Variants in ZNF804B observed in about 807,000 individuals in gnomAD.
The protein encoded by ZNF804B is zinc finger protein 804B.
Under a neutral mutation model 101.4 loss-of-function variants are expected in ZNF804B, and 80 were observed. The observed-to-expected ratio is 0.79, with a 90% CI of 0.66 to 0.95. The LOEUF (loss-of-function observed/expected upper bound fraction) is 0.95. Among genes scored for constraint, ZNF804B ranks in the 40% least tolerant of loss-of-function variants. ZNF804B has a pLI of 0.00. For synonymous variants in ZNF804B, 622 were observed against 558.8 expected (o/e 1.11, Z -1.59); for missense variants, 1,673 against 1,561.9 (o/e 1.07, Z -1.20).
chr7:89,323,792 A>C (rs1790856153), intron 2 of ZNF804B, among the ~76,000 whole-genome samples: 1 of 152,058 alleles, frequency 6.6e-6, no homozygotes, highest in Non-Finnish European at 1.5e-5. Context: ...TTTTTCTGAA[A>C]TATGTATGCC....
At chr7:89,265,240 G>C (rs573410164) in intron 2 of ZNF804B, among the ~76,000 whole-genome samples, 2 of 151,932 alleles carry the variant, frequency 1.3e-5, no homozygotes, top group South Asian at 2.1e-4. Context: ...CATGATCTTA[G>C]ATTATAAAGT....
At chr7:88,987,580 T>TA (rs1459484559) in intron 1 of ZNF804B, among the ~76,000 whole-genome samples, 1 of 152,118 alleles carries the variant, frequency 6.6e-6, no homozygotes, top group Non-Finnish European at 1.5e-5. Context: ...ACTTTTTTTT[T>TA]AAACAACACT....
At chr7:88,901,440 C>A (rs1482388956) in intron 1 of ZNF804B, among the ~76,000 whole-genome samples, 1 of 151,776 alleles carries the variant, frequency 6.6e-6, no homozygotes, top group African/African-American at 2.4e-5. Context: ...TTCCATGAAA[C>A]GTCCATTATC....
At chr7:89,293,283 A>T (rs1473058987) in intron 2 of ZNF804B, among the ~76,000 whole-genome samples, 14 of 152,254 alleles carry the variant, frequency 9.2e-5, no homozygotes, top group Non-Finnish European at 2.9e-5. Flanking sequence ...CACAAAAAAG[A>T]TGAGTATTTG....
chr7:88,779,628 T>TAGATA (rs10687881), intron 1 of ZNF804B, among the ~76,000 whole-genome samples: 74,231 of 151,596 alleles, frequency 0.49, 21,485 homozygotes, highest in East Asian at 0.79. Flanking sequence ...ATTTGCAGAT[T>TAGATA]AAAGATCGAA....
rs1445902955 is a variant in ZNF804B, at chr7:88,887,412, A to C, written c.108+127328A>C. ...CTGTTTTTATAGTTTGGGGTTTTACATTTAAGTCTTTAATCCATCTTGAGT... is the reference window on the plus strand; with the variant it reads ...CTGTTTTTATAGTTTGGGGTTTTACCTTTAAGTCTTTAATCCATCTTGAGT... On this transcript the variant is annotated intron_variant, in intron 1 of 3. Transcript: ENST00000333190. Among the ~76,000 whole-genome samples, 17 of 152,256 alleles carry C rather than the reference A, an allele frequency of 1.1e-4. No individual in the cohort carries two copies. In the East Asian group the frequency reaches 3.3e-3, roughly 29 times the overall value.
In ZNF804B at chr7:88,943,882, G is replaced by T. The variant is rs188140450; in HGVS notation, c.108+183798G>T. Among the ~76,000 whole-genome samples the T allele has an allele frequency of 2.6e-3, 399 of 151,830 alleles. 5 individuals are homozygous for T. The highest frequency in any genetic ancestry group is 9.3e-3 in the African/African-American group (387 of 41,484). On this transcript the variant is annotated intron_variant, in intron 1 of 3. Transcript: ENST00000333190. ...AAGGGCTGTGTACCTTTCTGTATTT[G>T]TCTTCCGTCACTTAGCATATGCTTT...
intron 1 of ZNF804B, among the ~76,000 whole-genome samples, chr7:89,050,973 G>T (rs1789196542): frequency 7.1e-6 from 1 of 141,354 alleles, no homozygotes; most frequent in African/African-American, 2.7e-5. Flanking sequence ...CTCGTTTTAT[G>T]AGTTTGTTTC....
chr7:88,824,160 C>T (rs1022760893), intron 1 of ZNF804B, among the ~76,000 whole-genome samples: 1 of 152,172 alleles, frequency 6.6e-6, no homozygotes, highest in African/African-American at 2.4e-5. Flanking sequence ...AATGGGAGTG[C>T]TAAGCATTTG....
rs370664848 is a variant in ZNF804B at position 89,282,061 on chromosome 7, C to T, written c.250-45283C>T. On this transcript the variant is annotated intron_variant, in intron 2 of 3. Coordinates refer to ENST00000333190, the MANE Select transcript of ZNF804B (RefSeq NM_181646.5). ...CTAAAAATACAAAAAATTAGCCGGG[C>T]GTGGTGGCGGGCGCCTGTAGTCCCA... Among the ~76,000 whole-genome samples, 57 of 151,862 alleles carry T rather than the reference C, an allele frequency of 3.8e-4. 1 individual carries two copies. In the East Asian group the frequency reaches 8.0e-3, roughly 21 times the overall value.
chr7:88,802,432 C>A (rs773765964), intron 1 of ZNF804B, among the ~76,000 whole-genome samples: 2 of 151,868 alleles, frequency 1.3e-5, no homozygotes. Context: ...ACACTGCTGG[C>A]ACACCTCATT....
In ZNF804B at chr7:88,759,944, G is replaced by A. The variant is rs759235791; in HGVS notation, c.-33G>A. 1 of 1,587,880 alleles carries A rather than the reference G, an allele frequency of 6.3e-7. No individual in the cohort carries two copies. Among genetic ancestry groups the A allele is most frequent in the Non-Finnish European group, 8.6e-7 (1 of 1,156,298 alleles). On this transcript the variant is annotated 5_prime_UTR_variant, in exon 1 of 4. Coordinates refer to ENST00000333190, the MANE Select transcript of ZNF804B (RefSeq NM_181646.5). ...TTTCCACGGCTGGTCGCCTGGTGAG[G>A]AGTTGAGACTCTGCGCCTCCGCCCG...
chr7:88,832,072 A>G (rs12533969), intron 1 of ZNF804B, among the ~76,000 whole-genome samples: 8,605 of 151,732 alleles, frequency 0.057, 362 homozygotes, highest in East Asian at 0.26. Flanking sequence ...TTGTATAAAT[A>G]TTAGGGGGAG....
chr7:89,168,681 A>C (rs1223165327), intron 1 of ZNF804B, among the ~76,000 whole-genome samples: 1 of 112,478 alleles, frequency 8.9e-6, no homozygotes, highest in East Asian at 2.3e-4. Flanking sequence ...AGAGCTGAAT[A>C]CTTTTTTTTT....
At chr7:88,847,018 A>T (rs1791383238) in intron 1 of ZNF804B, among the ~76,000 whole-genome samples, 1 of 151,972 alleles carries the variant, frequency 6.6e-6, no homozygotes, top group Non-Finnish European at 1.5e-5. Flanking sequence ...AAAATAGAAA[A>T]TGGCAGCAAA....
At chr7:88,895,938 C>T (rs985684933) in intron 1 of ZNF804B, among the ~76,000 whole-genome samples, 1 of 152,152 alleles carries the variant, frequency 6.6e-6, no homozygotes, top group Non-Finnish European at 1.5e-5. Context: ...ATTATGTAGA[C>T]ACTGTTCCAT....
At chr7:89,183,558 T>C (rs762089988) in intron 1 of ZNF804B, among the ~76,000 whole-genome samples, 1 of 152,202 alleles carries the variant, frequency 6.6e-6, no homozygotes, top group Non-Finnish European at 1.5e-5. Context: ...TTCTTTCCAA[T>C]GTGCCTAAAC....
At position 89,337,522 on chromosome 7, in the gene ZNF804B, T is replaced by C. The variant is rs1449158816; in HGVS notation, c.*490T>C. Among the ~76,000 whole-genome samples, 3 of 152,174 alleles carry C rather than the reference T, an allele frequency of 2.0e-5. No individual in the cohort carries two copies. The highest frequency in any genetic ancestry group is 4.8e-5 in the African/African-American group (2 of 41,456). ...AACTATTGACTAAGTTTTCAATTAATGTAGTCTGTTACTGTATTTTCATAG... is the reference window on the plus strand; with the variant it reads ...AACTATTGACTAAGTTTTCAATTAACGTAGTCTGTTACTGTATTTTCATAG... On this transcript the variant is annotated 3_prime_UTR_variant, in exon 4 of 4. Transcript: ENST00000333190.
chr7:88,875,330 A>G (rs1791913509), intron 1 of ZNF804B, among the ~76,000 whole-genome samples: 2 of 152,010 alleles, frequency 1.3e-5, no homozygotes, highest in South Asian at 4.1e-4. Context: ...TGAAGGAAAT[A>G]GAGACACAAA....
Sources: gnomAD v4.1 joint callset for allele counts (sites outside exome capture counted in the v4.1 genomes callset) on GRCh38, gnomAD v4.1.1 for gene constraint, MANE v1.5 for transcripts, NCBI Gene and HGNC (gene_info 2026-07-23, HGNC 2026-07-21) for gene names.